CLEC17A: variants seen among roughly 807,000 people sequenced by gnomAD.
CLEC17A encodes the protein C-type lectin domain containing 17A, also known as C-type lectin domain family 17, member A.
A neutral mutation model predicts 61.3 loss-of-function variants in CLEC17A; 37 were observed. The ratio of observed to expected loss-of-function variants is 0.60; its 90% CI spans 0.46 to 0.79. CLEC17A has a LOEUF of 0.79. Among genes scored for constraint, CLEC17A ranks in the 30% least tolerant of loss-of-function variants. The pLI is 0.00. For missense variants in CLEC17A, 418 were observed against 464.7 expected (o/e 0.90, Z 0.92); for synonymous variants, 168 against 164.9 (o/e 1.02, Z -0.14).
At chr19:14,603,468 C>CT (rs915354909) in intron 12 of CLEC17A, among the ~76,000 whole-genome samples, 12 of 150,782 alleles carry the variant, frequency 8.0e-5, no homozygotes, top group Admixed American at 6.6e-4. Flanking sequence ...GTATAGCTCA[C>CT]TTTTTTTTTG....
chr19:14,603,764 A>G (rs10426212), intron 12 of CLEC17A, among the ~76,000 whole-genome samples: 68,435 of 151,680 alleles, frequency 0.45, 16,172 homozygotes, highest in African/African-American at 0.59. Flanking sequence ...CCGTGCCCTA[A>G]CCCATAGCTC....
intron 4 of CLEC17A, 114 bp from the exon 5 acceptor site, chr19:14,594,403 C>G: frequency 7.3e-7 from 1 of 1,377,896 alleles, no homozygotes; most frequent in Non-Finnish European, 1.0e-6. Context: ...CGTCCAACCC[C>G]GTCTGTAACC....
intron 12 of CLEC17A, among the ~76,000 whole-genome samples, chr19:14,606,056 A>G (rs1271670421): frequency 6.6e-6 from 1 of 152,022 alleles, no homozygotes; most frequent in Non-Finnish European, 1.5e-5. Context: ...TGAAATACCA[A>G]AGCTAGGAAA....
chr19:14,601,943 C>T (rs2146728336), intron 12 of CLEC17A, among the ~76,000 whole-genome samples: 1 of 152,182 alleles, frequency 6.6e-6, no homozygotes, highest in South Asian at 2.1e-4. Context: ...CAGGCGCCCG[C>T]CACCACACCC....
chr19:14,589,224 A>C (rs1237419384), intron 3 of CLEC17A, among the ~76,000 whole-genome samples: 1 of 139,512 alleles, frequency 7.2e-6, no homozygotes, highest in Non-Finnish European at 1.5e-5. Context: ...CCCATTTTCC[A>C]TCCCATCCCA....
In CLEC17A at chr19:14,600,202, C is replaced by T. The variant is rs1268145034; in HGVS notation, c.894+20C>T. 3.7e-6 allele frequency: 6 copies of T among 1,612,148 alleles called. No homozygotes were observed. Among genetic ancestry groups the T allele is most frequent in the Non-Finnish European group, 5.1e-6 (6 of 1,178,560 alleles). On this transcript the variant is annotated intron_variant, in intron 12 of 13. Coordinates refer to ENST00000417570, the MANE Select transcript of CLEC17A (RefSeq NM_001204118.2). Reference sequence around the variant, plus strand: ...GAGCACGTGAGTTCTTCCCACTGAACCTTTGAGAACCTTCAGGGACAGCCT... The same window carrying T: ...GAGCACGTGAGTTCTTCCCACTGAATCTTTGAGAACCTTCAGGGACAGCCT...
upstream of CLEC17A, among the ~76,000 whole-genome samples, chr19:14,582,662 C>G (rs555373873): frequency 1.3e-5 from 2 of 152,204 alleles, no homozygotes; most frequent in Non-Finnish European, 2.9e-5. Flanking sequence ...GGCTGGAGTG[C>G]AGTGGCGTGA....
intron 3 of CLEC17A, 45 bp from the exon 4 acceptor site, chr19:14,592,236 G>A: frequency 6.5e-7 from 1 of 1,530,678 alleles, no homozygotes; most frequent in Non-Finnish European, 8.8e-7. Flanking sequence ...GAGGGATGGA[G>A]GGAGGAGGGA....
In CLEC17A at chr19:14,595,447, T is replaced by C. The variant is rs1400113669; in HGVS notation, c.445+132T>C. 3 of 919,406 alleles carry C rather than the reference T, an allele frequency of 3.3e-6. No individual in the cohort carries two copies. The Admixed American group carries it at 6.7e-5, about 20-fold the overall frequency. The allele number at this position is 919,406 out of a possible 1,614,324, so 57.0% of individuals were successfully genotyped here. On this transcript the variant is annotated intron_variant, in intron 8 of 13. Transcript: ENST00000417570. ...GCTCCTTCAGGACCTGCTGCACTGT[T>C]CTGAGTTAGTCTAGTGAGCGCTGCT...
rs1042145666 is a variant in CLEC17A at position 14,587,524 on chromosome 19, C to T, written c.122-90C>T. Reference sequence around the variant, plus strand: ...GGTCAAGATCCAGGGTACAGAATCCCCATCATGGGGCAGCTGAGGCAGAGA... The same window carrying T: ...GGTCAAGATCCAGGGTACAGAATCCTCATCATGGGGCAGCTGAGGCAGAGA... On this transcript the variant is annotated intron_variant, in intron 2 of 13. Coordinates refer to ENST00000417570, the MANE Select transcript of CLEC17A (RefSeq NM_001204118.2). 6 of 1,393,544 alleles carry T rather than the reference C, an allele frequency of 4.3e-6. No homozygotes were observed. The African/African-American group carries it at 4.3e-5, about 10-fold the overall frequency. The allele number at this position is 1,393,544 out of a possible 1,614,324, so 86.3% of individuals were successfully genotyped here. A position where few individuals can be genotyped will look rare whatever the true frequency, so the allele number is the denominator to read the frequency against.
chr19:14,599,668 G>T (rs1204735696), intron 10 of CLEC17A, 49 bp from the exon 11 acceptor site: 1 of 1,339,272 alleles, frequency 7.5e-7, no homozygotes, highest in South Asian at 1.2e-5. Context: ...TGGTGGATGG[G>T]TAGGATGGGT....
chr19:14,594,866 C>T lies in CLEC17A; in HGVS notation c.403+66C>T. 3 of 1,426,290 alleles carry T rather than the reference C, an allele frequency of 2.1e-6. No individual in the cohort carries two copies. The South Asian group carries it at 3.6e-5, about 17-fold the overall frequency. The allele number at this position is 1,426,290 out of a possible 1,614,324, so 88.4% of individuals were successfully genotyped here. A position where few individuals can be genotyped will look rare whatever the true frequency, so the allele number is the denominator to read the frequency against. ...TACCTGGATGTTTCCTTTCAATCCC[C>T]CAATTTTTATTTATTTATTTTTTTT... On this transcript the variant is annotated intron_variant, in intron 7 of 13. Coordinates refer to ENST00000417570, the MANE Select transcript of CLEC17A (RefSeq NM_001204118.2).
At chr19:14,594,337 T>C (rs767139545) in intron 4 of CLEC17A, among the ~76,000 whole-genome samples, 180 bp from the exon 5 acceptor site, 52 of 151,646 alleles carry the variant, frequency 3.4e-4, no homozygotes, top group Admixed American at 6.6e-4. Flanking sequence ...GCAATCTAGG[T>C]TCGTTGGTCA....
chr19:14,606,949 G>T, intron 12 of CLEC17A, 44 bp from the exon 13 acceptor site: 1 of 1,065,584 alleles, frequency 9.4e-7, no homozygotes, highest in Non-Finnish European at 1.2e-6. Context: ...CACCCTGAGG[G>T]TCATGTAGAG....
chr19:14,591,113 GGGA>G (rs2074402860), intron 3 of CLEC17A, among the ~76,000 whole-genome samples: 1 of 151,872 alleles, frequency 6.6e-6, no homozygotes, highest in African/African-American at 2.4e-5. Context: ...ACTGGGAGAG[GGGA>G]GGGGTGTGGC....
intron 4 of CLEC17A, 170 bp from the exon 5 acceptor site, chr19:14,594,347 A>G: frequency 2.8e-6 from 2 of 704,980 alleles, no homozygotes; most frequent in Non-Finnish European, 4.8e-6. Flanking sequence ...TTCGTTGGTC[A>G]CCCTACTTAA....
In CLEC17A at chr19:14,597,168, G is replaced by T; in HGVS notation, c.646+7G>T. ...ATGACGTGGCGAACAAATAGTGAGT[G>T]CTTTCAGTCATTCCTTCATGCCACT... On this transcript the variant is annotated splice_region_variant and intron_variant, in intron 10 of 13. Transcript: ENST00000417570. 1.2e-6 allele frequency: 2 copies of T among 1,605,058 alleles called. No homozygotes were observed. The highest frequency in any genetic ancestry group is 8.5e-7 in the Non-Finnish European group (1 of 1,175,494).
intron 11 of CLEC17A, 105 bp from the exon 12 acceptor site, chr19:14,599,926 C>T (rs1041670114): frequency 9.9e-6 from 15 of 1,520,774 alleles, no homozygotes; most frequent in Middle Eastern, 4.3e-4. Context: ...GCCCCTCCCC[C>T]TCACCGGAGT....
rs2074318538 is a variant in CLEC17A, at chr19:14,587,711, T to G, written c.199+20T>G. On this transcript the variant is annotated intron_variant, in intron 3 of 13. Coordinates refer to ENST00000417570, the MANE Select transcript of CLEC17A (RefSeq NM_001204118.2). Reference sequence around the variant, plus strand: ...AGCCAGGTAAGAGGACTTTTTGGAGTGTGACCTGGGGGAATACAGGGAACG... The same window carrying G: ...AGCCAGGTAAGAGGACTTTTTGGAGGGTGACCTGGGGGAATACAGGGAACG... 4 of 1,609,434 alleles carry G rather than the reference T, an allele frequency of 2.5e-6. No homozygotes were observed. The highest frequency in any genetic ancestry group is 2.5e-6 in the Non-Finnish European group (3 of 1,177,892).
Sources: allele counts gnomAD v4.1 joint callset (sites outside exome capture counted in the v4.1 genomes callset), GRCh38; gene constraint gnomAD v4.1.1; transcripts MANE v1.5; gene names NCBI Gene and HGNC (gene_info 2026-07-23, HGNC 2026-07-21).